PDCD11: variants seen among roughly 807,000 people sequenced by gnomAD.
PDCD11 encodes the protein protein RRP5 homolog.
PDCD11 carries 97 observed loss-of-function variants against 198.9 expected under a neutral mutation model. The ratio of observed to expected loss-of-function variants is 0.49; its 90% confidence interval spans 0.41 to 0.58. PDCD11 has a LOEUF of 0.58. Ranked by LOEUF, PDCD11 falls within the 20% of genes least tolerant of loss-of-function variation. The pLI is 0.00. For synonymous variants in PDCD11, 893 were observed against 918.0 expected, an observed-to-expected ratio of 0.97 and a Z score of 0.49; for missense variants, 2,102 against 2,312.7, an observed-to-expected ratio of 0.91 and a Z score of 1.87.
intron 21 of PDCD11, among the ~76,000 whole-genome samples, chr10:103,430,168 T>C (rs2031869396): frequency 6.6e-6 from 1 of 152,186 alleles, no homozygotes; most frequent in Non-Finnish European, 1.5e-5. Context: ...TTTTTGAATT[T>C]TTTTTGTAAA....
chr10:103,408,419 T>G (rs1472993581), intron 7 of PDCD11, among the ~76,000 whole-genome samples: 1 of 152,148 alleles, frequency 6.6e-6, no homozygotes. Context: ...AACTTCCAAT[T>G]CTCTAGGAAG....
chr10:103,441,230 C>A (rs1247136662), intron 30 of PDCD11, among the ~76,000 whole-genome samples: 3 of 152,174 alleles, frequency 2.0e-5, no homozygotes, highest in African/African-American at 7.2e-5. Context: ...GAATTATTGT[C>A]ATCTCTCTGT....
At chr10:103,421,260 A>C (rs1180491127) in intron 16 of PDCD11, 88 bp from the exon 17 acceptor site, 5 of 1,000,030 alleles carry the variant, frequency 5.0e-6, no homozygotes, top group Non-Finnish European at 7.7e-6. Context: ...ATTTCCCCCT[A>C]CTCACGTACC....
intron 26 of PDCD11, among the ~76,000 whole-genome samples, chr10:103,438,441 G>T (rs2032242145): frequency 6.6e-6 from 1 of 152,202 alleles, no homozygotes; most frequent in Admixed American, 6.5e-5. Flanking sequence ...ATGAGGCCAA[G>T]GCTTTAGGTT....
rs1235451906 is a variant in PDCD11, at chr10:103,443,227, C to T, written c.5018C>T (p.Ser1673Phe). 1.2e-5 allele frequency: 20 copies of T among 1,612,510 alleles called. No individual in the cohort carries two copies. The highest frequency in any genetic ancestry group is 1.7e-5 in the Non-Finnish European group (20 of 1,178,774). Residue 1673 changes from serine (S) to phenylalanine (F), a missense_variant, in exon 33 of 36, where the codon TCT (serine) becomes TTT (phenylalanine). By Grantham distance (155) the Ser-to-Phe change is radical (BLOSUM62 -2). Transcript: ENST00000369797. ...ALLNLENMYG[S>F]QESLTKVFER... ...CTGAACCTGGAGAACATGTACGGCT[C>T]TCAGGAGTCCCTGACCAAGGTCTTT...
At chr10:103,415,544 A>G (rs1251110435) in intron 12 of PDCD11, among the ~76,000 whole-genome samples, 1 of 152,254 alleles carries the variant, frequency 6.6e-6, no homozygotes, top group Non-Finnish European at 1.5e-5. Flanking sequence ...TGTGACAAGC[A>G]TTATTTCATT....
chr10:103,443,443 C>A, intron 33 of PDCD11, 110 bp downstream of exon 33: 1 of 961,580 alleles, frequency 1.0e-6, no homozygotes. Context: ...CACCCAACAT[C>A]GGGGCCCCAA....
At chr10:103,421,924 G>T (rs1217540465) in intron 17 of PDCD11, among the ~76,000 whole-genome samples, 1 of 141,478 alleles carries the variant, frequency 7.1e-6, no homozygotes, top group Admixed American at 7.2e-5. Flanking sequence ...CCGAGATTGC[G>T]TCACTGCAGC....
chr10:103,422,944 T>C (rs763643964), intron 17 of PDCD11, 44 bp from the exon 18 acceptor site: 21 of 1,408,202 alleles, frequency 1.5e-5, no homozygotes, highest in Non-Finnish European at 2.0e-5. Context: ...ACAGTGAGAG[T>C]TCTTTCATGG....
chr10:103,425,354 C>T lies in PDCD11; in HGVS notation c.3134C>T (p.Ser1045Phe). 3 of 1,614,128 alleles carry T rather than the reference C, an allele frequency of 1.9e-6. No homozygotes were observed. Among genetic ancestry groups the T allele is most frequent in the Non-Finnish European group, 2.5e-6 (3 of 1,180,040 alleles). Residue 1045 changes from serine to phenylalanine, a missense_variant, in exon 20 of 36, where the codon TCC becomes TTC. By Grantham distance (155) the Ser-to-Phe change is radical. Coordinates refer to ENST00000369797, the MANE Select transcript of PDCD11 (RefSeq NM_014976.2). ...IGDMVTGTVK[S>F]IKPTHVVVTL... is the part of the protein sequence containing the mutation. ...GACATGGTCACAGGGACTGTCAAGT[C>T]CATTAAGCCTACCCATGTGGTTGTG...
Position 103,415,127 on chromosome 10 carries a change from C to T in PDCD11, c.1494C>T (p.His498=). ...TGAAGAATCCGGAGAAGAAGTACCA[C>T]ATCGGGGATGAGGTCAAGTGCCGGG... ...ILMKNPEKKY[H]IGDEVKCRVL... Residue 498 remains histidine (H), a synonymous_variant, in exon 12 of 36, where the codon CAC becomes CAT. Coordinates refer to ENST00000369797, the MANE Select transcript of PDCD11 (RefSeq NM_014976.2). 6.2e-7 allele frequency: 1 copy of T among 1,614,094 alleles called. No homozygotes were observed. Among genetic ancestry groups the T allele is most frequent in the Non-Finnish European group, 8.5e-7 (1 of 1,180,034 alleles).
intron 32 of PDCD11, 43 bp downstream of exon 32, chr10:103,442,503 T>C (rs2032431477): frequency 6.3e-7 from 1 of 1,589,164 alleles, no homozygotes; most frequent in African/African-American, 1.3e-5. Context: ...TCGCACGTTC[T>C]GGGCTGGGAA....
Position 103,434,904 on chromosome 10 carries a change from C to A in PDCD11, c.3774C>A (p.Val1258=). 1 of 1,611,292 alleles carries A rather than the reference C, an allele frequency of 6.2e-7. No individual in the cohort carries two copies. The highest frequency in any genetic ancestry group is 8.5e-7 in the Non-Finnish European group (1 of 1,178,886). Residue 1258 remains valine (V), a synonymous_variant, in exon 25 of 36, where the codon GTC becomes GTA. Coordinates refer to ENST00000369797, the MANE Select transcript of PDCD11 (RefSeq NM_014976.2). The stretch of plus-strand genomic sequence containing the variant: ...TCCCCTTTGGGAAGATAGGAACAGT[C>A]AGTATATTTCACATGAGTGACTCCT... ...VSFPFGKIGT[V]SIFHMSDSYS...
In PDCD11 at chr10:103,434,491, G is replaced by C. The variant is rs561112278; in HGVS notation, c.3667+141G>C. 1.5e-3 allele frequency: 946 copies of C among 637,622 alleles called. 6 individuals are homozygous for C. The highest frequency in any genetic ancestry group is 4.2e-3 in the Admixed American group (150 of 35,990). The allele number at this position is 637,622 out of a possible 1,614,324, so 39.5% of individuals were successfully genotyped here. A position where few individuals can be genotyped will look rare whatever the true frequency, so the allele number is the denominator to read the frequency against. On this transcript the variant is annotated intron_variant, in intron 24 of 35. Coordinates refer to ENST00000369797, the MANE Select transcript of PDCD11 (RefSeq NM_014976.2). ...CCTGGTGTGGGACCTTCTTGGAACA[G>C]TTTTTCTCTTGGGCTTTGCTCTGGC...
At chr10:103,424,598 G>T (rs978738235) in intron 19 of PDCD11, among the ~76,000 whole-genome samples, 17 of 152,310 alleles carry the variant, frequency 1.1e-4, no homozygotes. Flanking sequence ...AATTGGGGGT[G>T]GGGGAGCTGC....
rs759789451 is a variant in PDCD11 at position 103,406,762 on chromosome 10, G to A, written c.842G>A (p.Gly281Glu). 3.7e-6 allele frequency: 6 copies of A among 1,613,974 alleles called. No homozygotes were observed. In the African/African-American group the frequency reaches 8.0e-5, roughly 22 times the overall value. The change falls in exon 7 of 36, where the codon GGA becomes GAA. Residue 281 changes from glycine (G) to glutamate (E), a missense_variant. Coordinates refer to ENST00000369797, the MANE Select transcript of PDCD11 (RefSeq NM_014976.2). ...TGGAACCTTAATAACTTGCTACCAG[G>A]ACTGGTGGTCAAAGCTCAGGTACAG... ...QSWNLNNLLPGLVVKAQVQKV... is the reference protein window; with the variant it reads ...QSWNLNNLLPELVVKAQVQKV...
rs1378833053 is a variant in PDCD11, at chr10:103,426,771, G to A, written c.3306-558G>A. Among the ~76,000 whole-genome samples the A allele has an allele frequency of 2.0e-5, 3 of 150,670 alleles. No individual in the cohort carries two copies. In the East Asian group the frequency reaches 5.8e-4, roughly 29 times the overall value. On this transcript the variant is annotated intron_variant, in intron 20 of 35. Coordinates refer to ENST00000369797, the MANE Select transcript of PDCD11 (RefSeq NM_014976.2). Reference sequence around the variant, plus strand: ...ATTGCACTCTAGCCTGGGCAAGAGAGTGAGACTCCGTTTCAAAAAAAAAAA... The same window carrying A: ...ATTGCACTCTAGCCTGGGCAAGAGAATGAGACTCCGTTTCAAAAAAAAAAA...
chr10:103,408,538 A>ATTAT (rs1157096711), intron 7 of PDCD11, among the ~76,000 whole-genome samples: 1 of 151,640 alleles, frequency 6.6e-6, no homozygotes, highest in Non-Finnish European at 1.5e-5. Flanking sequence ...AATTTTTATA[A>ATTAT]TTATTTATTT....
Position 103,418,501 on chromosome 10 carries a change from A to G in PDCD11, c.1973A>G (p.His658Arg). The change falls in exon 15 of 36, where the codon CAC becomes CGC. Residue 658 changes from histidine to arginine, a missense_variant. His to Arg is a conservative substitution (Grantham distance 29). Transcript: ENST00000369797. Reference sequence around the variant, plus strand: ...GGGCTGGAGGTGGCTGTCCTGCCCCACAACATCCGTGCTTTCCTCCCCACA... The same window carrying G: ...GGGCTGGAGGTGGCTGTCCTGCCCCGCAACATCCGTGCTTTCCTCCCCACA... The part of the protein sequence containing the change: ...KDGLEVAVLP[H>R]NIRAFLPTSH... 6.2e-7 allele frequency: 1 copy of G among 1,614,136 alleles called. No individual in the cohort carries two copies. Among genetic ancestry groups the G allele is most frequent in the Non-Finnish European group, 8.5e-7 (1 of 1,180,012 alleles).
Sources: gnomAD v4.1 joint callset for allele counts (sites outside exome capture counted in the v4.1 genomes callset) on GRCh38, gnomAD v4.1.1 for gene constraint, MANE v1.5 for transcripts, NCBI Gene and HGNC (gene_info 2026-07-23, HGNC 2026-07-21) for gene names.